CENPP: variants seen among roughly 807,000 people sequenced by gnomAD.
The protein encoded by CENPP is centromere protein P.
A neutral mutation model predicts 35.6 loss-of-function variants in CENPP; 24 were observed. That is an observed-to-expected ratio of 0.67 (90% confidence interval 0.49 to 0.95). The LOEUF (loss-of-function observed/expected upper bound fraction) is 0.95. Ranked by LOEUF, CENPP falls within the 40% of genes least tolerant of loss-of-function variation. The probability of loss-of-function intolerance (pLI) is 0.00; values close to 1 mark genes in which losing one functional copy is unlikely to be tolerated. For missense variants in CENPP, 332 were observed against 345.3 expected (o/e 0.96, Z 0.31); for synonymous variants, 120 against 125.5 (o/e 0.96, Z 0.29).
intron 5 of CENPP, among the ~76,000 whole-genome samples, chr9:92,425,344 A>G (rs191031825): frequency 1.3e-5 from 2 of 152,354 alleles, no homozygotes; most frequent in Admixed American, 1.3e-4. Context: ...ATTGAATAAA[A>G]TGGGATGAAA....
chr9:92,565,400 A>AG (rs1435523856), intron 5 of CENPP, among the ~76,000 whole-genome samples: 1 of 149,758 alleles, frequency 6.7e-6, no homozygotes, highest in Non-Finnish European at 1.5e-5. Flanking sequence ...TGCAGCCCAC[A>AG]GGCCATGGGT....
chr9:92,360,493 G>C (rs1165431276), intron 4 of CENPP, among the ~76,000 whole-genome samples: 1 of 152,096 alleles, frequency 6.6e-6, no homozygotes, highest in Non-Finnish European at 1.5e-5. Flanking sequence ...CTTGAGCCCA[G>C]GAGTTCGACA....
At chr9:92,522,530 C>T (rs1420959958) in intron 5 of CENPP, 1 of 1,503,842 alleles carries the variant, frequency 6.6e-7, no homozygotes, top group African/African-American at 1.4e-5. Context: ...TACCATCTCT[C>T]ACCCTCCTCC....
intron 6 of CENPP, 30 bp from the exon 7 acceptor site, chr9:92,612,493 A>T (rs141251678): frequency 6.5e-7 from 1 of 1,547,946 alleles, no homozygotes; most frequent in East Asian, 2.2e-5. Context: ...TTCAAAAAGC[A>T]CATAACGACA....
At chr9:92,434,639 A>G (rs1186498997) in intron 5 of CENPP, among the ~76,000 whole-genome samples, 1 of 152,196 alleles carries the variant, frequency 6.6e-6, no homozygotes, top group Non-Finnish European at 1.5e-5. Context: ...CTTTTTAACA[A>G]ATATTGGGAG....
rs142591312 is a variant in CENPP, at chr9:92,514,889, G to A, written c.565-96425G>A. On this transcript the variant is annotated intron_variant, in intron 5 of 7. Transcript: ENST00000375587. Reference sequence around the variant, plus strand: ...TCCTCCTCCTCCTCCCTTCCTTGGCGTTGTTGCTGGTGTGCCAGCCTCCTC... The same window carrying A: ...TCCTCCTCCTCCTCCCTTCCTTGGCATTGTTGCTGGTGTGCCAGCCTCCTC... 70 of 1,613,274 alleles carry A rather than the reference G, an allele frequency of 4.3e-5. No individual in the cohort carries two copies. In the African/African-American group the frequency reaches 6.7e-4, roughly 15 times the overall value.
intron 5 of CENPP, among the ~76,000 whole-genome samples, chr9:92,434,061 G>A (rs982484057): frequency 1.3e-5 from 2 of 152,060 alleles, no homozygotes; most frequent in South Asian, 4.2e-4. Flanking sequence ...ATTGAAGTCA[G>A]TATACAAAAA....
In CENPP at chr9:92,326,046, G is replaced by T. The variant is rs1840475130; in HGVS notation, c.48G>T (p.Ala16=). The change falls in exon 1 of 8, where the codon GCG becomes GCT. Residue 16 remains alanine, a synonymous_variant. Transcript: ENST00000375587. ...AEVRALQAEI[A]ALRRACEDPP... ...TGCGCGCCTTGCAAGCTGAGATCGCGGCCCTGCGGCGAGCGTGTGAGGACC... is the reference window on the plus strand; with the variant it reads ...TGCGCGCCTTGCAAGCTGAGATCGCTGCCCTGCGGCGAGCGTGTGAGGACC... 1 of 1,563,192 alleles carries T rather than the reference G, an allele frequency of 6.4e-7. No homozygotes were observed. Among genetic ancestry groups the T allele is most frequent in the East Asian group, 2.4e-5 (1 of 41,424 alleles).
chr9:92,470,751 A>C, intron 5 of CENPP: 1 of 1,597,166 alleles, frequency 6.3e-7, no homozygotes, highest in East Asian at 2.3e-5. Flanking sequence ...TCGAGTATCA[A>C]ATGGAATGTT....
intron 5 of CENPP, among the ~76,000 whole-genome samples, chr9:92,470,142 A>G (rs867412926): frequency 1.3e-5 from 2 of 152,354 alleles, no homozygotes; most frequent in African/African-American, 4.8e-5. Flanking sequence ...AATGTTAAAC[A>G]TGGAAGTAGT....
intron 1 of CENPP, among the ~76,000 whole-genome samples, chr9:92,329,581 C>T (rs1239585578): frequency 6.6e-6 from 1 of 152,084 alleles, no homozygotes; most frequent in Admixed American, 6.6e-5. Context: ...GTTGCCCATG[C>T]TGAAGTGCAG....
At chr9:92,539,789 A>T (rs772795381) in intron 5 of CENPP, among the ~76,000 whole-genome samples, 1 of 152,198 alleles carries the variant, frequency 6.6e-6, no homozygotes, top group Non-Finnish European at 1.5e-5. Flanking sequence ...TCCCAATGGA[A>T]TATTACATTT....
intron 5 of CENPP, among the ~76,000 whole-genome samples, chr9:92,411,561 C>T (rs1055479539): frequency 6.6e-6 from 1 of 152,188 alleles, no homozygotes; most frequent in Admixed American, 6.5e-5. Flanking sequence ...TCCCAAAGTG[C>T]TGGTATTACA....
In CENPP at chr9:92,397,527, A is replaced by G. The variant is rs149511673; in HGVS notation, c.564+17668A>G. Among the ~76,000 whole-genome samples, 23 of 152,160 alleles carry G rather than the reference A, an allele frequency of 1.5e-4. No individual in the cohort carries two copies. In the East Asian group the frequency reaches 4.5e-3, roughly 29 times the overall value. ...GTATTTTTAGTAGAGACGGGGTTTC[A>G]CCATGTTGGCCAGGCTTGTCTCAAA... On this transcript the variant is annotated intron_variant, in intron 5 of 7. Transcript: ENST00000375587.
chr9:92,351,876 C>G (rs12156462), intron 4 of CENPP, among the ~76,000 whole-genome samples: 1 of 151,922 alleles, frequency 6.6e-6, no homozygotes, highest in Non-Finnish European at 1.5e-5. Context: ...CTAGCCATCT[C>G]GGCCTCCCAA....
At position 92,593,719 on chromosome 9, in the gene CENPP, C is replaced by T. The variant is rs966840108; in HGVS notation, c.565-17595C>T. ...AGAGCTGGTTTATGTGGTCTGTGGC[C>T]AGACTACAAGGCGAGTGTTATTTTG... On this transcript the variant is annotated intron_variant, in intron 5 of 7. Coordinates refer to ENST00000375587, the MANE Select transcript of CENPP (RefSeq NM_001012267.3). The surrounding 1 kb of genome is among the most constrained non-coding windows in gnomAD (Gnocchi z 4.1). Among the ~76,000 whole-genome samples the T allele has an allele frequency of 1.3e-5, 2 of 152,160 alleles. No homozygotes were observed. Among genetic ancestry groups the T allele is most frequent in the Admixed American group, 6.5e-5 (1 of 15,278 alleles).
chr9:92,440,268 C>A (rs993405754), intron 5 of CENPP, among the ~76,000 whole-genome samples: 4 of 151,832 alleles, frequency 2.6e-5, no homozygotes, highest in Non-Finnish European at 1.5e-5. Flanking sequence ...TTTTGGCTTC[C>A]CTGGGCCACA....
intron 5 of CENPP, among the ~76,000 whole-genome samples, chr9:92,592,235 A>G (rs1290688853): frequency 6.6e-6 from 1 of 152,128 alleles, no homozygotes; most frequent in Non-Finnish European, 1.5e-5. Flanking sequence ...TTGTATGACC[A>G]CCACTCCGAT....
At chr9:92,423,729 A>G (rs1471581430) in intron 5 of CENPP, among the ~76,000 whole-genome samples, 1 of 152,192 alleles carries the variant, frequency 6.6e-6, no homozygotes, top group African/African-American at 2.4e-5. Context: ...AAAACATTCT[A>G]TATCAGGGAT....
Sources: gnomAD v4.1 joint callset for allele counts (sites outside exome capture counted in the v4.1 genomes callset) on GRCh38, gnomAD v4.1.1 for gene constraint, Gnocchi (gnomAD v3.1) non-coding constraint, MANE v1.5 for transcripts, NCBI Gene and HGNC (gene_info 2026-07-23, HGNC 2026-07-21) for gene names.